The following SRP54 variants were observed in gnomAD, a reference collection of about 807,000 sequenced individuals.
SRP54 encodes signal recognition particle 54, also known as signal recognition particle subunit SRP54.
SRP54 carries 10 observed loss-of-function variants against 64.8 expected under a neutral mutation model. The ratio of observed to expected loss-of-function variants is 0.15; its 90% CI spans 0.10 to 0.26. The LOEUF (loss-of-function observed/expected upper bound fraction) is 0.26. Among genes scored for constraint, SRP54 ranks in the 10% least tolerant of loss-of-function variants. The probability of loss-of-function intolerance (pLI) is 1.00; values close to 1 mark genes in which losing one functional copy is unlikely to be tolerated. For missense variants in SRP54, 325 were observed against 613.7 expected (o/e 0.53, Z 4.97); for synonymous variants, 193 against 185.6 (o/e 1.04, Z -0.32).
At chr14:34,997,172 C>T (rs543506355) in intron 2 of SRP54, among the ~76,000 whole-genome samples, 2 of 152,170 alleles carry the variant, frequency 1.3e-5, no homozygotes, top group African/African-American at 2.4e-5. Flanking sequence ...CTGTCCTTTT[C>T]TTTGTGACTT....
intron 4 of SRP54, among the ~76,000 whole-genome samples, chr14:35,003,473 C>T (rs147327020): frequency 1.1e-4 from 17 of 152,014 alleles, no homozygotes; most frequent in South Asian, 2.1e-4. Flanking sequence ...TTCCTGGGCT[C>T]GAGCGATCTT....
intron 1 of SRP54, among the ~76,000 whole-genome samples, chr14:34,989,710 C>T (rs2043954008): frequency 6.6e-6 from 1 of 152,070 alleles, no homozygotes; most frequent in Admixed American, 6.6e-5. Context: ...GGGACAGACA[C>T]TTCTGTAAGA....
rs538660625 is a variant in SRP54 at position 35,012,237 on chromosome 14, A to AG, written c.636+578_636+579insG. Among the ~76,000 whole-genome samples the AG allele has an allele frequency of 1.1e-4, 16 of 144,610 alleles. No homozygotes were observed. In the South Asian group the frequency reaches 3.6e-3, roughly 32 times the overall value. 94.9% of individuals were successfully genotyped at this position (144,610 alleles called of 152,430 possible). A position where few individuals can be genotyped will look rare whatever the true frequency, so the allele number is the denominator to read the frequency against. On this transcript the variant is annotated intron_variant, in intron 8 of 15. Coordinates refer to ENST00000216774, the MANE Select transcript of SRP54 (RefSeq NM_003136.4). ...ATCTCCAAAAAAAAAAAAAAAAAAA[A>AG]TTAGTAATTAGCCTTTAGTTTCTGT...
intron 4 of SRP54, among the ~76,000 whole-genome samples, chr14:35,005,726 T>C (rs558000384): frequency 1.4e-4 from 21 of 152,266 alleles, no homozygotes; most frequent in African/African-American, 4.6e-4. Context: ...TTGCACATAG[T>C]TTACCAACCC....
chr14:35,018,445 G>C (rs117335270), intron 11 of SRP54, among the ~76,000 whole-genome samples: 2 of 152,100 alleles, frequency 1.3e-5, no homozygotes, highest in Non-Finnish European at 2.9e-5. Flanking sequence ...CAGGTTTCTT[G>C]TGTGTTTGTA....
chr14:35,017,833 A>C (rs912028873), intron 11 of SRP54, among the ~76,000 whole-genome samples: 2 of 152,166 alleles, frequency 1.3e-5, no homozygotes, highest in Admixed American at 6.6e-5. Context: ...ATATTATAGA[A>C]GTCCTGGGCT....
In SRP54 at chr14:35,007,310, A is replaced by G. The variant is rs760646389; in HGVS notation, c.283A>G (p.Thr95Ala). ...TGTAGACCCTGGAGTTAAGGCATGGACACCCACTAAAGGAAAACAAAATGT... is the reference window on the plus strand; with the variant it reads ...TGTAGACCCTGGAGTTAAGGCATGGGCACCCACTAAAGGAAAACAAAATGT... ...KLVDPGVKAWTPTKGKQNVIM... is the reference protein window; with the variant it reads ...KLVDPGVKAWAPTKGKQNVIM... Residue 95 changes from threonine (T) to alanine (A), a missense_variant, in exon 5 of 16, where the codon ACA becomes GCA. By Grantham distance (58) the Thr-to-Ala change is moderately conservative. Coordinates refer to ENST00000216774, the MANE Select transcript of SRP54 (RefSeq NM_003136.4). The G allele has an allele frequency of 1.9e-6, 3 of 1,593,070 alleles. No homozygotes were observed. The highest frequency in any genetic ancestry group is 1.7e-6 in the Non-Finnish European group (2 of 1,165,684).
intron 4 of SRP54, 53 bp downstream of exon 4, chr14:35,001,073 C>A: frequency 1.2e-6 from 1 of 833,716 alleles, no homozygotes; most frequent in Non-Finnish European, 1.8e-6. Flanking sequence ...GATAAAAAAG[C>A]GTTAGCACTA....
Position 35,007,674 on chromosome 14 carries a change from T to TTAAAATATATTTATATTA in SRP54, c.360+300_360+301insTATTATAAAATATATTTA, listed in dbSNP as rs1566649611. ...ATATATTTACATAAAATAGATTTTA[T>TTAAAATATATTTATATTA]TAAAATATATTTACATAAAATAGAT... On this transcript the variant is annotated intron_variant, in intron 5 of 15. Coordinates refer to ENST00000216774, the MANE Select transcript of SRP54 (RefSeq NM_003136.4). 8.8e-4 allele frequency among the ~76,000 whole-genome samples: 73 copies of TTAAAATATATTTATATTA among 82,726 alleles called. 1 individual carries two copies. Among genetic ancestry groups the TTAAAATATATTTATATTA allele is most frequent in the Admixed American group, 1.5e-3 (12 of 8,136 alleles). 54.3% of individuals were successfully genotyped at this position (82,726 alleles called of 152,430 possible). A position where few individuals can be genotyped will look rare whatever the true frequency, so the allele number is the denominator to read the frequency against.
rs543112367 is a variant in SRP54, at chr14:34,991,830, T to A, written c.-33-4847T>A. ...TTAAGCAAAATTCTAACACGGAGTT[T>A]TCAGGAACACATCATCCTTGGACAT... On this transcript the variant is annotated intron_variant, in intron 1 of 15. Transcript: ENST00000216774. 7.2e-5 allele frequency among the ~76,000 whole-genome samples: 11 copies of A among 152,264 alleles called. No individual in the cohort carries two copies. The South Asian group carries it at 2.3e-3, about 32-fold the overall frequency.
chr14:34,999,274 C>G (rs2044134210), intron 2 of SRP54, among the ~76,000 whole-genome samples: 1 of 151,970 alleles, frequency 6.6e-6, no homozygotes, highest in Non-Finnish European at 1.5e-5. Context: ...CTCGGCCTCC[C>G]AAAGTGTTGG....
rs764235003 is a variant in SRP54 at position 34,999,032 on chromosome 14, T to TTTTG, written c.79-526_79-525insTTTG. ...GTGTGTGGTTTTTTTTTTTTTTTTT[T>TTTTG]GAGACAAAGTCTCACTCTGTCACCC... On this transcript the variant is annotated intron_variant, in intron 2 of 15. Transcript: ENST00000216774. Among the ~76,000 whole-genome samples the TTTTG allele has an allele frequency of 4.3e-5, 4 of 93,562 alleles. 1 individual carries two copies. Among genetic ancestry groups the TTTTG allele is most frequent in the African/African-American group, 7.3e-5 (2 of 27,448 alleles). The allele number at this position is 93,562 out of a possible 152,430, so 61.4% of individuals were successfully genotyped here. A position where few individuals can be genotyped will look rare whatever the true frequency, so the allele number is the denominator to read the frequency against.
intron 13 of SRP54, 53 bp from the exon 14 acceptor site, chr14:35,022,857 T>G (rs766301317): frequency 8.6e-5 from 127 of 1,476,788 alleles, no homozygotes; most frequent in Non-Finnish European, 1.1e-4. Context: ...TGCACATAAC[T>G]GCTTTGATGG....
intron 8 of SRP54, among the ~76,000 whole-genome samples, chr14:35,012,941 GTTTT>G (rs761844773): frequency 1.5e-3 from 175 of 118,394 alleles, no homozygotes; most frequent in African/African-American, 5.2e-3. Flanking sequence ...AAATGTTGTA[GTTTT>G]TTTTTTTTTT....
At chr14:35,018,124 G>A (rs922777633) in intron 11 of SRP54, among the ~76,000 whole-genome samples, 5 of 152,142 alleles carry the variant, frequency 3.3e-5, no homozygotes. Context: ...GAAATTCTGA[G>A]TATATCGTTT....
At chr14:34,995,985 C>T (rs1481625390) in intron 1 of SRP54, among the ~76,000 whole-genome samples, 5 of 150,972 alleles carry the variant, frequency 3.3e-5, no homozygotes, top group South Asian at 2.1e-4. Flanking sequence ...GGATTTCCTG[C>T]GCCCAGGAAG....
chr14:34,985,954 T>G (rs2138954936), intron 1 of SRP54, among the ~76,000 whole-genome samples: 1 of 152,322 alleles, frequency 6.6e-6, no homozygotes, highest in South Asian at 2.1e-4. Context: ...CACTTTTCCT[T>G]TTTCTTTTCA....
intron 4 of SRP54, among the ~76,000 whole-genome samples, chr14:35,006,306 T>G (rs922925346): frequency 3.9e-5 from 6 of 152,220 alleles, no homozygotes; most frequent in Admixed American, 3.9e-4. Flanking sequence ...GGAAAATCTT[T>G]CACATATAAT....
At chr14:34,990,226 T>G (rs1458131809) in intron 1 of SRP54, among the ~76,000 whole-genome samples, 1 of 152,216 alleles carries the variant, frequency 6.6e-6, no homozygotes, top group Non-Finnish European at 1.5e-5. Context: ...TATCATTTCT[T>G]TCTGAACGTT....
Sources: allele counts gnomAD v4.1 joint callset (sites outside exome capture counted in the v4.1 genomes callset), GRCh38; gene constraint gnomAD v4.1.1; transcripts MANE v1.5; gene names NCBI Gene and HGNC (gene_info 2026-07-23, HGNC 2026-07-21).